Variants in FLRT2 observed in about 807,000 individuals in gnomAD.
FLRT2 encodes leucine-rich repeat transmembrane protein FLRT2.
A neutral mutation model predicts 40.0 loss-of-function variants in FLRT2; 15 were observed. The ratio of observed to expected loss-of-function variants is 0.38; its 90% CI spans 0.25 to 0.58. The LOEUF is 0.58. Among genes scored for constraint, FLRT2 ranks in the 20% least tolerant of loss-of-function variants. The probability of loss-of-function intolerance (pLI) is 0.71; values close to 1 mark genes in which losing one functional copy is unlikely to be tolerated. For synonymous variants in FLRT2, 380 were observed against 336.8 expected, an observed-to-expected ratio of 1.13 and a Z score of -1.41; for missense variants, 726 against 840.0, an observed-to-expected ratio of 0.86 and a Z score of 1.68.
chr14:85,558,693 A>T (rs918977489), intron 1 of FLRT2, among the ~76,000 whole-genome samples: 1 of 152,190 alleles, frequency 6.6e-6, no homozygotes, highest in African/African-American at 2.4e-5. Context: ...AATTGCTCAG[A>T]TGAAGGGCAG....
At chr14:85,535,345 G>GCC (rs767334797) in intron 1 of FLRT2, among the ~76,000 whole-genome samples, 45 of 67,618 alleles carry the variant, frequency 6.7e-4, no homozygotes, top group African/African-American at 2.0e-3. Flanking sequence ...CCAATGAAAA[G>GCC]CCCCCCCCCA....
At position 85,653,995 on chromosome 14, in the gene FLRT2, C is replaced by T. The variant is rs1248725860; in HGVS notation, c.*30498C>T. The T allele has an allele frequency of 6.6e-6, 1 of 152,054 alleles. No homozygotes were observed. The highest frequency in any genetic ancestry group is 1.5e-5 in the Non-Finnish European group (1 of 68,030). 9.4% of individuals were successfully genotyped at this position (152,054 alleles called of 1,614,324 possible). ...TATTGCTCACCTCAAGTCAATGTCA[C>T]TTTGTATTAATGGATTTAGTGTCAT... On this transcript the variant is annotated 3_prime_UTR_variant, in exon 2 of 2. Coordinates refer to ENST00000330753, the MANE Select transcript of FLRT2 (RefSeq NM_013231.6).
intron 1 of FLRT2, among the ~76,000 whole-genome samples, chr14:85,533,259 T>G (rs986759734): frequency 4.6e-5 from 7 of 151,892 alleles, no homozygotes; most frequent in Non-Finnish European, 8.8e-5. Flanking sequence ...ATCCCGCGAA[T>G]TCATTACTGT....
At chr14:85,569,561 C>G (rs1159260100) in intron 1 of FLRT2, among the ~76,000 whole-genome samples, 1 of 152,182 alleles carries the variant, frequency 6.6e-6, no homozygotes, top group Non-Finnish European at 1.5e-5. Flanking sequence ...CCATTAGGAA[C>G]CAGGACACTG....
rs1894398726 is a variant in FLRT2 at position 85,650,117 on chromosome 14, C to T, written c.*26620C>T. On this transcript the variant is annotated 3_prime_UTR_variant, in exon 2 of 2. Transcript: ENST00000330753. ...CTCACCTGTCACACTATCCTCTTTG[C>T]TTTGTCAAATACTTACTACGTTCAT... 6.6e-6 allele frequency: 1 copy of T among 152,004 alleles called. No individual in the cohort carries two copies. Among genetic ancestry groups the T allele is most frequent in the South Asian group, 2.1e-4 (1 of 4,832 alleles). 9.4% of individuals were successfully genotyped at this position (152,004 alleles called of 1,614,324 possible). A position where few individuals can be genotyped will look rare whatever the true frequency, so the allele number is the denominator to read the frequency against.
chr14:85,607,114 A>G (rs1200165795), intron 1 of FLRT2, among the ~76,000 whole-genome samples: 4 of 152,036 alleles, frequency 2.6e-5, no homozygotes, highest in Non-Finnish European at 4.4e-5. Flanking sequence ...AGAAGACGCC[A>G]TATGCTCATT....
intron 1 of FLRT2, among the ~76,000 whole-genome samples, chr14:85,580,434 G>A (rs916668735): frequency 6.6e-6 from 1 of 152,056 alleles, no homozygotes; most frequent in Non-Finnish European, 1.5e-5. Context: ...TCATATATGT[G>A]CGAGTGCATG....
intron 1 of FLRT2, among the ~76,000 whole-genome samples, chr14:85,595,001 A>G (rs1272506525): frequency 6.6e-6 from 1 of 152,218 alleles, no homozygotes; most frequent in Non-Finnish European, 1.5e-5. Context: ...GAAATGGATC[A>G]TGATAAAGTT....
At chr14:85,577,224 T>C (rs1891158234) in intron 1 of FLRT2, among the ~76,000 whole-genome samples, 1 of 152,318 alleles carries the variant, frequency 6.6e-6, no homozygotes, top group Non-Finnish European at 1.5e-5. Flanking sequence ...CTTTTGCATT[T>C]GAGTAGAAAA....
At position 85,647,807 on chromosome 14, in the gene FLRT2, T is replaced by C. The variant is rs1457390269; in HGVS notation, c.*24310T>C. The C allele has an allele frequency of 6.6e-6, 1 of 152,100 alleles. No individual in the cohort carries two copies. The highest frequency in any genetic ancestry group is 1.5e-5 in the Non-Finnish European group (1 of 68,036). 9.4% of individuals were successfully genotyped at this position (152,100 alleles called of 1,614,324 possible). A position where few individuals can be genotyped will look rare whatever the true frequency, so the allele number is the denominator to read the frequency against. ...CTAAGAGTAAAAACCCCTCAGGAAT[T>C]AGGATTCGGGTCACCCTGCTTGGCA... On this transcript the variant is annotated 3_prime_UTR_variant, in exon 2 of 2. Coordinates refer to ENST00000330753, the MANE Select transcript of FLRT2 (RefSeq NM_013231.6).
intron 1 of FLRT2, among the ~76,000 whole-genome samples, chr14:85,584,019 T>C: frequency 6.6e-6 from 1 of 151,910 alleles, no homozygotes; most frequent in Admixed American, 6.6e-5. Context: ...TCTGCCTCTG[T>C]GGTTGCAGTA....
intron 1 of FLRT2, chr14:85,531,191 T>TTGGAGAGCATACGAGGCGG (rs1490353833): frequency 6.6e-6 from 1 of 152,312 alleles, no homozygotes; most frequent in Admixed American, 6.5e-5. Flanking sequence ...TGGCGAAGGC[T>TTGGAGAGCATACGAGGCGG]TGGAGAGCAT....
intron 1 of FLRT2, among the ~76,000 whole-genome samples, chr14:85,610,454 C>T (rs1892808854): frequency 6.6e-6 from 1 of 152,206 alleles, no homozygotes; most frequent in African/African-American, 2.4e-5. Context: ...ACCTTCCCTG[C>T]AGGCTTTTCA....
rs577996764 is a variant in FLRT2, at chr14:85,648,397, A to G, written c.*24900A>G. 6.6e-6 allele frequency: 1 copy of G among 152,248 alleles called. No homozygotes were observed. The highest frequency in any genetic ancestry group is 1.9e-4 in the East Asian group (1 of 5,172). 9.4% of individuals were successfully genotyped at this position (152,248 alleles called of 1,614,324 possible). The stretch of plus-strand genomic sequence containing the variant: ...TGAATGCGAACGAGGTTTCACCATT[A>G]AATATACTTATACATTTGGAAAGGC... On this transcript the variant is annotated 3_prime_UTR_variant, in exon 2 of 2. Transcript: ENST00000330753.
chr14:85,598,531 C>T (rs1057271076), intron 1 of FLRT2, among the ~76,000 whole-genome samples: 1 of 152,178 alleles, frequency 6.6e-6, no homozygotes, highest in Non-Finnish European at 1.5e-5. Flanking sequence ...CTTATCAGCC[C>T]TTTATGTCCA....
intron 1 of FLRT2, among the ~76,000 whole-genome samples, chr14:85,565,595 G>A (rs1024423840): frequency 4.6e-5 from 7 of 152,136 alleles, no homozygotes; most frequent in African/African-American, 9.7e-5. Context: ...GAAACCATAT[G>A]CATGGAGATG....
At chr14:85,605,630 C>T (rs2753625) in intron 1 of FLRT2, among the ~76,000 whole-genome samples, 24,936 of 151,888 alleles carry the variant, frequency 0.16, 2,590 homozygotes, top group East Asian at 0.54. Flanking sequence ...ATTAGCTGGG[C>T]GTGGTGGCGG....
At chr14:85,584,218 A>G (rs1891517546) in intron 1 of FLRT2, among the ~76,000 whole-genome samples, 1 of 152,148 alleles carries the variant, frequency 6.6e-6, no homozygotes, top group Non-Finnish European at 1.5e-5. Context: ...AAAATGAACA[A>G]GTTGATTAAT....
intron 1 of FLRT2, among the ~76,000 whole-genome samples, chr14:85,542,173 A>C (rs1811511840): frequency 6.6e-6 from 1 of 152,212 alleles, no homozygotes; most frequent in South Asian, 2.1e-4. Flanking sequence ...TTCTTTCAGA[A>C]GATAATTTTC....
Sources: allele counts gnomAD v4.1 joint callset (sites outside exome capture counted in the v4.1 genomes callset), GRCh38; gene constraint gnomAD v4.1.1; transcripts MANE v1.5; gene names NCBI Gene and HGNC (gene_info 2026-07-23, HGNC 2026-07-21).